SPAG6: variants seen among roughly 807,000 people sequenced by gnomAD.
SPAG6 encodes the protein sperm-associated antigen 6.
A neutral mutation model predicts 58.5 loss-of-function variants in SPAG6; 49 were observed. The observed-to-expected ratio is 0.84, with a 90% confidence interval of 0.67 to 1.06. The LOEUF (loss-of-function observed/expected upper bound fraction) is 1.06, where lower values mean the gene tolerates loss of function less well. Among genes scored for constraint, SPAG6 ranks in the 50% least tolerant of loss-of-function variants. The probability of loss-of-function intolerance (pLI) is 0.00; values close to 1 mark genes in which losing one functional copy is unlikely to be tolerated. For missense variants in SPAG6, 560 were observed against 611.3 expected (o/e 0.92, Z 0.89); for synonymous variants, 233 against 225.6 (o/e 1.03, Z -0.29).
chr10:22,401,657 T>C (rs551911718), intron 9 of SPAG6, among the ~76,000 whole-genome samples: 1 of 152,360 alleles, frequency 6.6e-6, no homozygotes, highest in Admixed American at 6.5e-5. Context: ...CCGAAATATC[T>C]TTCATGAAGT....
chr10:22,387,994 G>T lies in SPAG6; in HGVS notation c.850G>T (p.Glu284Ter). 6.3e-7 allele frequency: 1 copy of T among 1,597,122 alleles called. No homozygotes were observed. The highest frequency in any genetic ancestry group is 1.4e-5 in the African/African-American group (1 of 73,720). The change falls in exon 6 of 11, where the codon GAG becomes TAG. Residue 284 changes from glutamate (E) to a stop codon, truncating the protein, a stop_gained and splice_region_variant. Transcript: ENST00000376624. LOFTEE classifies it high-confidence loss of function. ...LIREIAKHTP[E>*]LSQLVVNAGG... ...TAGAGAGATTGCAAAACATACACCC[G>T]AGGTGAAAAGAAACTTCAAGGCACA...
chr10:22,374,078 T>C (rs1833764334), intron 4 of SPAG6, among the ~76,000 whole-genome samples: 1 of 152,228 alleles, frequency 6.6e-6, no homozygotes, highest in Non-Finnish European at 1.5e-5. Flanking sequence ...GTAACATTTT[T>C]AGTTGGGAAC....
intron 4 of SPAG6, among the ~76,000 whole-genome samples, chr10:22,385,453 G>T (rs1291844541): frequency 6.6e-6 from 1 of 152,144 alleles, no homozygotes; most frequent in Non-Finnish European, 1.5e-5. Flanking sequence ...TAGTATACTA[G>T]CTTTTACACC....
At position 22,345,912 on chromosome 10, in the gene SPAG6, G is replaced by A; in HGVS notation, c.121+94G>A. The A allele has an allele frequency of 1.3e-6, 2 of 1,574,790 alleles. No individual in the cohort carries two copies. Among genetic ancestry groups the A allele is most frequent in the Non-Finnish European group, 1.7e-6 (2 of 1,160,432 alleles). ...CTGCCCGTGGAGCTCTTGGGGAGCC[G>A]CAGTGTGGGGACCGGAGTTCGCAAA... On this transcript the variant is annotated intron_variant, in intron 2 of 10. Transcript: ENST00000376624. This position sits in a 1 kb window ranked among gnomAD's most constrained non-coding sequence, Gnocchi z 6.3.
In SPAG6 at chr10:22,401,177, A is replaced by G. The variant is rs1009682152; in HGVS notation, c.1214A>G (p.Lys405Arg). The G allele has an allele frequency of 3.2e-6, 5 of 1,575,176 alleles. No homozygotes were observed. The African/African-American group carries it at 6.8e-5, about 21-fold the overall frequency. The change falls in exon 9 of 11, where the codon AAG (lysine) becomes AGG (arginine). Residue 405 changes from lysine (K) to arginine (R), a missense_variant. Transcript: ENST00000376624. The stretch of plus-strand genomic sequence containing the variant: ...TATTTCTAGAGTAAAAAAGCCATAA[A>G]GAATATCCTGCAAAAATGTACCTAC... ...DLQVKSKKAI[K>R]NILQKCTYLP...
At chr10:22,386,395 T>C (rs892132608) in intron 4 of SPAG6, among the ~76,000 whole-genome samples, 1 of 152,152 alleles carries the variant, frequency 6.6e-6, no homozygotes, top group Non-Finnish European at 1.5e-5. Context: ...AAATTTTCTC[T>C]GTTATTGTAA....
Position 22,401,170 on chromosome 10 carries a change from G to A in SPAG6, c.1207G>A (p.Ala403Thr). 1 of 1,541,088 alleles carries A rather than the reference G, an allele frequency of 6.5e-7. No homozygotes were observed. The highest frequency in any genetic ancestry group is 1.1e-5 in the South Asian group (1 of 89,420). Reference sequence around the variant, plus strand: ...TGCTTTGTATTTCTAGAGTAAAAAAGCCATAAAGAATATCCTGCAAAAATG... The same window carrying A: ...TGCTTTGTATTTCTAGAGTAAAAAAACCATAAAGAATATCCTGCAAAAATG... ...SEDLQVKSKK[A>T]IKNILQKCTY... Residue 403 changes from alanine to threonine, a missense_variant, in exon 9 of 11, where the codon GCC becomes ACC. Physicochemically the swap from Ala to Thr is moderately conservative, Grantham distance 58. Coordinates refer to ENST00000376624, the MANE Select transcript of SPAG6 (RefSeq NM_012443.4).
intron 3 of SPAG6, 55 bp downstream of exon 3, chr10:22,365,074 G>T: frequency 1.5e-6 from 2 of 1,363,228 alleles, no homozygotes; most frequent in East Asian, 5.0e-5. Context: ...TTTTAAAAAT[G>T]TGACAGTTTG....
chr10:22,412,646 A>G (rs529363679), intron 10 of SPAG6: 4 of 514,482 alleles, frequency 7.8e-6, no homozygotes, highest in Admixed American at 7.5e-5. Flanking sequence ...TCTTGGCTCA[A>G]CTGCCATCTC....
chr10:22,399,097 G>A (rs1248007776), intron 8 of SPAG6, among the ~76,000 whole-genome samples: 1 of 152,170 alleles, frequency 6.6e-6, no homozygotes, highest in African/African-American at 2.4e-5. Flanking sequence ...GGGATTACAG[G>A]CCTGAGCCAC....
intron 2 of SPAG6, among the ~76,000 whole-genome samples, chr10:22,354,926 G>A (rs750003699): frequency 1.5e-4 from 23 of 152,074 alleles, no homozygotes; most frequent in Non-Finnish European, 2.8e-4. Context: ...TCCGGGAAGC[G>A]GAGGTTGCTG....
chr10:22,394,120 C>T (rs1210640544), intron 8 of SPAG6, among the ~76,000 whole-genome samples: 3 of 152,126 alleles, frequency 2.0e-5, no homozygotes, highest in Non-Finnish European at 4.4e-5. Context: ...TGTAAGAGTT[C>T]TTTGTATATT....
Position 22,386,786 on chromosome 10 carries a change from G to A in SPAG6, c.505G>A (p.Val169Ile), listed in dbSNP as rs1460514013. 1.9e-6 allele frequency: 3 copies of A among 1,613,598 alleles called. No individual in the cohort carries two copies. Among genetic ancestry groups the A allele is most frequent in the Non-Finnish European group, 2.5e-6 (3 of 1,179,606 alleles). Residue 169 changes from valine to isoleucine, a missense_variant, in exon 5 of 11, where the codon GTT becomes ATT. Coordinates refer to ENST00000376624, the MANE Select transcript of SPAG6 (RefSeq NM_012443.4). Reference protein sequence around the residue: ...LSQAVVDAGAVPLLVLCIQEP... With the variant: ...LSQAVVDAGAIPLLVLCIQEP... Reference sequence around the variant, plus strand: ...ACAAGCTGTGGTGGATGCAGGAGCTGTTCCTCTTTTAGTACTCTGTATCCA... The same window carrying A: ...ACAAGCTGTGGTGGATGCAGGAGCTATTCCTCTTTTAGTACTCTGTATCCA...
intron 4 of SPAG6, among the ~76,000 whole-genome samples, chr10:22,378,149 C>T (rs1375239640): frequency 2.7e-4 from 40 of 150,400 alleles, no homozygotes; most frequent in African/African-American, 8.8e-4. Flanking sequence ...CTGCAACCTC[C>T]GCCTCCTGGG....
chr10:22,409,959 G>A (rs777187832), intron 9 of SPAG6, among the ~76,000 whole-genome samples: 2 of 152,092 alleles, frequency 1.3e-5, no homozygotes, highest in African/African-American at 2.4e-5. Flanking sequence ...AAACTTTAAA[G>A]TTTGCCTTGA....
At chr10:22,349,539 TTC>T (rs1243614493) in intron 2 of SPAG6, among the ~76,000 whole-genome samples, 18 of 152,328 alleles carry the variant, frequency 1.2e-4, no homozygotes, top group African/African-American at 4.3e-4. Context: ...CCACTTTTAG[TTC>T]TGTTTAGGAG....
chr10:22,356,622 A>C (rs1465515720), intron 2 of SPAG6, among the ~76,000 whole-genome samples: 3 of 152,254 alleles, frequency 2.0e-5, no homozygotes, highest in African/African-American at 7.2e-5. Context: ...CTTCTTCAAC[A>C]GTGGGCAACA....
intron 10 of SPAG6, chr10:22,412,970 TA>T (rs2130650134): frequency 1.3e-5 from 2 of 151,200 alleles, no homozygotes; most frequent in East Asian, 3.9e-4. Flanking sequence ...AATTAATTTT[TA>T]TACGTGGAAT....
At chr10:22,364,456 C>G (rs1258242661) in intron 2 of SPAG6, among the ~76,000 whole-genome samples, 1 of 152,104 alleles carries the variant, frequency 6.6e-6, no homozygotes, top group Non-Finnish European at 1.5e-5. Context: ...GCAGGTGAGG[C>G]CTTGAAGCGA....
Sources: allele counts gnomAD v4.1 joint callset (sites outside exome capture counted in the v4.1 genomes callset), GRCh38; gene constraint gnomAD v4.1.1; non-coding constraint Gnocchi (gnomAD v3.1); transcripts MANE v1.5; gene names NCBI Gene and HGNC (gene_info 2026-07-23, HGNC 2026-07-21).